The following CLASP2 variants were observed in gnomAD, a reference collection of about 807,000 sequenced individuals.
CLASP2 encodes cytoplasmic linker associated protein 2.
Under a neutral mutation model 194.4 loss-of-function variants are expected in CLASP2, and 47 were observed. That is an observed-to-expected ratio of 0.24 (90% CI 0.19 to 0.31). The LOEUF (loss-of-function observed/expected upper bound fraction) is 0.31. CLASP2 is among the 10% of genes least tolerant of loss of function. The pLI is 1.00. For missense variants in CLASP2, 1,445 were observed against 1,823.6 expected (o/e 0.79, Z 3.78); for synonymous variants, 619 against 633.5 (o/e 0.98, Z 0.34).
intron 21 of CLASP2, among the ~76,000 whole-genome samples, chr3:33,590,545 T>C (rs2068520926): frequency 1.3e-5 from 2 of 152,194 alleles, no homozygotes; most frequent in African/African-American, 4.8e-5. Flanking sequence ...TCTAAAAATA[T>C]ACAAGATCAG....
intron 25 of CLASP2, 77 bp from the exon 26 acceptor site, chr3:33,570,867 T>TA: frequency 8.3e-7 from 1 of 1,200,284 alleles, no homozygotes; most frequent in Non-Finnish European, 1.1e-6. Context: ...ACATATAATT[T>TA]TCTTTAAAAA....
At chr3:33,641,422 G>T (rs1453925164) in intron 8 of CLASP2, among the ~76,000 whole-genome samples, 2 of 151,610 alleles carry the variant, frequency 1.3e-5, no homozygotes, top group East Asian at 1.9e-4. Context: ...TAACACTTTC[G>T]ACACTTACAT....
chr3:33,549,022 C>T (rs1225279073), intron 30 of CLASP2, among the ~76,000 whole-genome samples: 2 of 151,552 alleles, frequency 1.3e-5, no homozygotes, highest in African/African-American at 4.9e-5. Flanking sequence ...ATCCTCCCAC[C>T]TTGGGATTAC....
intron 34 of CLASP2, among the ~76,000 whole-genome samples, chr3:33,521,459 C>T (rs1203469967): frequency 6.6e-6 from 1 of 152,150 alleles, no homozygotes; most frequent in Non-Finnish European, 1.5e-5. Context: ...AATGCACCAT[C>T]ACTTCTGCAA....
intron 20 of CLASP2, among the ~76,000 whole-genome samples, chr3:33,592,954 T>C (rs1034486415): frequency 2.6e-5 from 4 of 152,222 alleles, no homozygotes; most frequent in Admixed American, 6.5e-5. Flanking sequence ...GGAAGAGATA[T>C]AATTAGGCAA....
intron 34 of CLASP2, among the ~76,000 whole-genome samples, chr3:33,527,978 A>C (rs957304311): frequency 9.1e-4 from 138 of 152,146 alleles, no homozygotes; most frequent in African/African-American, 2.5e-3. Flanking sequence ...AACAAAAAAA[A>C]CCACAACAAC....
chr3:33,592,326 G>A (rs2068988874), intron 21 of CLASP2, 69 bp downstream of exon 21: 2 of 1,085,188 alleles, frequency 1.8e-6, no homozygotes. Context: ...GTCTAATACA[G>A]TAATACAAAA....
At chr3:33,552,815 C>G (rs1234269476) in intron 29 of CLASP2, among the ~76,000 whole-genome samples, 1 of 152,066 alleles carries the variant, frequency 6.6e-6, no homozygotes, top group Non-Finnish European at 1.5e-5. Flanking sequence ...CTTATTCATC[C>G]TATAGATCTG....
Position 33,599,104 on chromosome 3 carries a change from CTTATTTATTTATTTAT to C in CLASP2, c.1925-2386_1925-2371del, listed in dbSNP as rs10556405. 3.6e-4 allele frequency among the ~76,000 whole-genome samples: 54 copies of C among 150,372 alleles called. 1 individual carries two copies. The highest frequency in any genetic ancestry group is 1.3e-3 in the African/African-American group (51 of 40,670). ...CACTCTGCTAAGTAGTTGTTGTTGT[CTTATTTATTTATTTAT>C]TTATTTATTTATTTTGGAGAACGTG... On this transcript the variant is annotated intron_variant, in intron 18 of 38. Transcript: ENST00000682230.
At chr3:33,574,506 G>A (rs1560104845) in intron 24 of CLASP2, 1 of 1,499,724 alleles carries the variant, frequency 6.7e-7, no homozygotes. Context: ...GCTGAGAGCA[G>A]TAAATTTTTA....
At chr3:33,504,046 A>G (rs370777540) in intron 37 of CLASP2, 1 of 152,194 alleles carries the variant, frequency 6.6e-6, no homozygotes, top group Non-Finnish European at 1.5e-5. Context: ...TTGAGTTATA[A>G]GAGTTCTTTA....
Position 33,498,591 on chromosome 3 carries a change from C to T in CLASP2, c.*40G>A, listed in dbSNP as rs1363043899. 7.4e-7 allele frequency: 1 copy of T among 1,348,080 alleles called. No homozygotes were observed. The highest frequency in any genetic ancestry group is 2.3e-5 in the East Asian group (1 of 43,140). 83.5% of individuals were successfully genotyped at this position (1,348,080 alleles called of 1,614,324 possible). ...TCATTGATGAGGGTGGTCTATCTGT[C>T]CTTTCTTTTGAGAGACCTGGTTCGC... On this transcript the variant is annotated 3_prime_UTR_variant, in exon 39 of 39. Transcript: ENST00000682230.
At chr3:33,590,173 G>A (rs1308972777) in intron 21 of CLASP2, among the ~76,000 whole-genome samples, 1 of 152,074 alleles carries the variant, frequency 6.6e-6, no homozygotes, top group African/African-American at 2.4e-5. Context: ...AATATTTTAT[G>A]TCTATTAAAT....
At chr3:33,535,943 G>C (rs1423366681) in intron 33 of CLASP2, among the ~76,000 whole-genome samples, 1 of 151,250 alleles carries the variant, frequency 6.6e-6, no homozygotes, top group African/African-American at 2.4e-5. Flanking sequence ...AAAAAGAAAG[G>C]CTTAAAAGGC....
At chr3:33,641,585 A>G (rs1181359906) in intron 8 of CLASP2, among the ~76,000 whole-genome samples, 2 of 152,012 alleles carry the variant, frequency 1.3e-5, no homozygotes, top group African/African-American at 4.8e-5. Flanking sequence ...GCAAATTAAC[A>G]TACACTAAAG....
intron 12 of CLASP2, among the ~76,000 whole-genome samples, chr3:33,615,376 CAAAA>C (rs78845283): frequency 3.3e-5 from 2 of 60,790 alleles, no homozygotes; most frequent in Admixed American, 1.9e-4. Context: ...TTCTAAATTA[CAAAA>C]AAAAAAAAAA....
At chr3:33,580,821 C>T (rs2065892824) in intron 23 of CLASP2, among the ~76,000 whole-genome samples, 1 of 151,858 alleles carries the variant, frequency 6.6e-6, no homozygotes, top group Non-Finnish European at 1.5e-5. Flanking sequence ...CGAGACCATC[C>T]TGGCTAACAC....
At chr3:33,694,496 T>C (rs1196071111) in intron 2 of CLASP2, among the ~76,000 whole-genome samples, 1 of 152,174 alleles carries the variant, frequency 6.6e-6, no homozygotes, top group Non-Finnish European at 1.5e-5. Context: ...CAAACACAAA[T>C]GTTTATGGTC....
chr3:33,511,738 TGG>T (rs2049900439), intron 36 of CLASP2, among the ~76,000 whole-genome samples: 1 of 66,100 alleles, frequency 1.5e-5, no homozygotes. Flanking sequence ...CATCAAAAAG[TGG>T]GCGAAGGACA....
Sources: gnomAD v4.1 joint callset for allele counts (sites outside exome capture counted in the v4.1 genomes callset) on GRCh38, gnomAD v4.1.1 for gene constraint, MANE v1.5 for transcripts, NCBI Gene and HGNC (gene_info 2026-07-23, HGNC 2026-07-21) for gene names.